Variants in DNAJC19 observed in about 807,000 individuals in gnomAD.
DNAJC19 encodes mitochondrial import inner membrane translocase subunit TIM14.
DNAJC19 carries 15 observed loss-of-function variants against 19.8 expected under a neutral mutation model. The ratio of observed to expected loss-of-function variants is 0.76; its 90% CI spans 0.51 to 1.17. DNAJC19 has a LOEUF of 1.17. DNAJC19 is among the 50% of genes most tolerant of loss of function. DNAJC19 has a pLI of 0.00. For synonymous variants in DNAJC19, 38 were observed against 42.1 expected (o/e 0.90, Z 0.38); for missense variants, 105 against 140.9 (o/e 0.75, Z 1.29).
chr3:180,989,194 T>G, intron 1 of DNAJC19: 1 of 586,432 alleles, frequency 1.7e-6, no homozygotes, highest in Non-Finnish European at 2.3e-6. Context: ...TCAGGAAGCA[T>G]GGAGAAGACA....
At chr3:180,988,132 C>T (rs201078826) in intron 2 of DNAJC19, 36 bp from the exon 3 acceptor site, 3 of 1,614,140 alleles carry the variant, frequency 1.9e-6, no homozygotes, top group Non-Finnish European at 8.5e-7. Context: ...TAAACTAAAT[C>T]TCCAATCTCC....
rs1260921341 is a variant in DNAJC19 at position 180,983,878 on chromosome 3, T to C, written c.*762A>G. ...GTCAAGAAATAGCCAACTGAAGGAATAATTTATAAATGGTCATTACCTTTA... is the reference window on the plus strand; with the variant it reads ...GTCAAGAAATAGCCAACTGAAGGAACAATTTATAAATGGTCATTACCTTTA... On this transcript the variant is annotated 3_prime_UTR_variant, in exon 6 of 6. Coordinates refer to ENST00000382564, the MANE Select transcript of DNAJC19 (RefSeq NM_145261.4). 2.2e-6 allele frequency: 1 copy of C among 453,994 alleles called. No homozygotes were observed. The highest frequency in any genetic ancestry group is 4.4e-6 in the Non-Finnish European group (1 of 226,754). 28.1% of individuals were successfully genotyped at this position (453,994 alleles called of 1,614,324 possible). A position where few individuals can be genotyped will look rare whatever the true frequency, so the allele number is the denominator to read the frequency against.
At position 180,983,772 on chromosome 3, in the gene DNAJC19, G is replaced by A. The variant is rs1553782525; in HGVS notation, c.*868C>T. Reference sequence around the variant, plus strand: ...ATTCTAAAGAGTCCAAATTAAATATGTTGATATTGAGAACATTTCAGTTTT... The same window carrying A: ...ATTCTAAAGAGTCCAAATTAAATATATTGATATTGAGAACATTTCAGTTTT... On this transcript the variant is annotated 3_prime_UTR_variant, in exon 6 of 6. Coordinates refer to ENST00000382564, the MANE Select transcript of DNAJC19 (RefSeq NM_145261.4). 2.2e-6 allele frequency: 1 copy of A among 452,836 alleles called. No homozygotes were observed. Among genetic ancestry groups the A allele is most frequent in the Non-Finnish European group, 4.4e-6 (1 of 226,374 alleles). 28.1% of individuals were successfully genotyped at this position (452,836 alleles called of 1,614,324 possible). A position where few individuals can be genotyped will look rare whatever the true frequency, so the allele number is the denominator to read the frequency against.
Position 180,983,732 on chromosome 3 carries a change from T to C in DNAJC19, c.*908A>G. 2.3e-6 allele frequency: 1 copy of C among 432,496 alleles called. No homozygotes were observed. Among genetic ancestry groups the C allele is most frequent in the Non-Finnish European group, 4.6e-6 (1 of 218,378 alleles). The allele number at this position is 432,496 out of a possible 1,614,324, so 26.8% of individuals were successfully genotyped here. ...AATTTGCCTTTAAACATCATTTAAA[T>C]TTATTAGTGTATAAATTCTAAAGAG... On this transcript the variant is annotated 3_prime_UTR_variant, in exon 6 of 6. Transcript: ENST00000382564.
At chr3:180,989,267 T>C in intron 1 of DNAJC19, 1 of 1,294,452 alleles carries the variant, frequency 7.7e-7, no homozygotes, top group South Asian at 1.7e-5. Flanking sequence ...GAAGATGTGT[T>C]AGGGCAAGGG....
intron 4 of DNAJC19, chr3:180,986,707 G>C (rs987912832): frequency 5.8e-6 from 3 of 517,904 alleles, no homozygotes; most frequent in Admixed American, 3.5e-5. Context: ...AAACACTCTA[G>C]GAAAAAAGAA....
intron 1 of DNAJC19, among the ~76,000 whole-genome samples, chr3:180,988,657 G>A (rs1337920215): frequency 6.6e-6 from 1 of 151,980 alleles, no homozygotes; most frequent in Admixed American, 6.5e-5. Flanking sequence ...CCCTCCCTTT[G>A]AAAACTTCTT....
rs752587219 is a variant in DNAJC19 at position 180,989,616 on chromosome 3, C to T, written c.-14G>A. 5 of 1,587,106 alleles carry T rather than the reference C, an allele frequency of 3.2e-6. No homozygotes were observed. Among genetic ancestry groups the T allele is most frequent in the African/African-American group, 1.3e-5 (1 of 74,440 alleles). ...CGCACTCACCATGGCTCCGGCTGGGCTCCCTTGCTTCCACCGGGAGCACGG... is the reference window on the plus strand; with the variant it reads ...CGCACTCACCATGGCTCCGGCTGGGTTCCCTTGCTTCCACCGGGAGCACGG... On this transcript the variant is annotated 5_prime_UTR_variant, in exon 1 of 6. Coordinates refer to ENST00000382564, the MANE Select transcript of DNAJC19 (RefSeq NM_145261.4).
In DNAJC19 at chr3:180,988,188, T is replaced by C; in HGVS notation, c.45A>G (p.Ala15=). The C allele has an allele frequency of 1.2e-6, 2 of 1,614,114 alleles. No homozygotes were observed. The highest frequency in any genetic ancestry group is 1.7e-6 in the Non-Finnish European group (2 of 1,180,016). The change falls in exon 2 of 6, where the codon GCA becomes GCG. Residue 15 remains alanine (A), a synonymous_variant. Coordinates refer to ENST00000382564, the MANE Select transcript of DNAJC19 (RefSeq NM_145261.4). ...AAACCATAAACAAACCTGCAAATCC[T>C]GCAGCAGCAATGGTCAGTCCAACTG... ...VVAVGLTIAA[A]GFAGRYVLQA...
In DNAJC19 at chr3:180,983,922, A is replaced by T. The variant is rs753569599; in HGVS notation, c.*718T>A. 2.6e-5 allele frequency: 12 copies of T among 454,042 alleles called. No homozygotes were observed. The highest frequency in any genetic ancestry group is 1.9e-4 in the South Asian group (12 of 64,474). The allele number at this position is 454,042 out of a possible 1,614,324, so 28.1% of individuals were successfully genotyped here. On this transcript the variant is annotated 3_prime_UTR_variant, in exon 6 of 6. Coordinates refer to ENST00000382564, the MANE Select transcript of DNAJC19 (RefSeq NM_145261.4). ...ACCTTTAAGGGGCTAGCTGAATACA[A>T]TGTAAATACTCATGCCTGTAATCCC...
chr3:180,989,334 T>TA, intron 1 of DNAJC19: 1 of 1,418,472 alleles, frequency 7.0e-7, no homozygotes, highest in Non-Finnish European at 9.2e-7. Flanking sequence ...CCTCTGACCT[T>TA]ACAGGAGTTC....
At chr3:180,986,694 A>C in intron 4 of DNAJC19, 1 of 482,646 alleles carries the variant, frequency 2.1e-6, no homozygotes, top group Admixed American at 3.7e-5. Context: ...CCTGTGTTTT[A>C]GTAAACACTC....
chr3:180,986,438 C>A (rs558157852), intron 4 of DNAJC19, among the ~76,000 whole-genome samples: 2 of 152,024 alleles, frequency 1.3e-5, no homozygotes, highest in Non-Finnish European at 2.9e-5. Flanking sequence ...TGTGCCATTA[C>A]GCCTGGCTAA....
intron 4 of DNAJC19, 96 bp downstream of exon 4, chr3:180,986,847 T>A: frequency 9.9e-7 from 1 of 1,014,728 alleles, no homozygotes. Flanking sequence ...AAATCCCCCA[T>A]GACCCTCTCC....
rs370042988 is a variant in DNAJC19 at position 180,984,660 on chromosome 3, C to G, written c.331G>C (p.Glu111Gln). 5.2e-5 allele frequency: 84 copies of G among 1,607,840 alleles called. No homozygotes were observed. The African/African-American group carries it at 9.6e-4, about 18-fold the overall frequency. The change falls in exon 6 of 6, where the codon GAA (glutamate) becomes CAA (glutamine). Residue 111 changes from glutamate (E) to glutamine (Q), a missense_variant. By Grantham distance (29) the Glu-to-Gln change is conservative. Coordinates refer to ENST00000382564, the MANE Select transcript of DNAJC19 (RefSeq NM_145261.4). Reference sequence around the variant, plus strand: ...TTACTTCATTTTTTAGCTTGACCTTCTAGTAAATCTTTAGCTTCATTGATT... The same window carrying G: ...TTACTTCATTTTTTAGCTTGACCTTGTAGTAAATCTTTAGCTTCATTGATT... ...AKINEAKDLL[E>Q]GQAKK
At chr3:180,985,608 T>G in intron 5 of DNAJC19, 1 of 287,684 alleles carries the variant, frequency 3.5e-6, no homozygotes, top group East Asian at 7.6e-5. Flanking sequence ...CTAGGTAATC[T>G]CCGTTTCAAG....
rs1389809310 is a variant in DNAJC19 at position 180,989,644 on chromosome 3, C to T, written c.-42G>A. 1.3e-6 allele frequency: 2 copies of T among 1,579,274 alleles called. No individual in the cohort carries two copies. Among genetic ancestry groups the T allele is most frequent in the Admixed American group, 3.6e-5 (2 of 55,066 alleles). On this transcript the variant is annotated 5_prime_UTR_variant, in exon 1 of 6. It removes an upstream start codon present in the reference 5' UTR. Coordinates refer to ENST00000382564, the MANE Select transcript of DNAJC19 (RefSeq NM_145261.4). ...CCTTGCTTCCACCGGGAGCACGGCT[C>T]ATCCCAGCTCAGAGGCCGCGGCCAA...
intron 1 of DNAJC19, among the ~76,000 whole-genome samples, chr3:180,988,820 G>T (rs540909603): frequency 6.6e-6 from 1 of 150,764 alleles, no homozygotes; most frequent in South Asian, 2.1e-4. Context: ...GGCTACCATG[G>T]TGAAACCCCG....
intron 3 of DNAJC19, chr3:180,987,448 T>C (rs918198103): frequency 4.0e-6 from 1 of 251,716 alleles, no homozygotes; most frequent in Non-Finnish European, 7.7e-6. Flanking sequence ...ATACCACTAT[T>C]AGGTCCTCTG....
Sources: allele counts gnomAD v4.1 joint callset (sites outside exome capture counted in the v4.1 genomes callset), GRCh38; gene constraint gnomAD v4.1.1; transcripts MANE v1.5; gene names NCBI Gene and HGNC (gene_info 2026-07-23, HGNC 2026-07-21).